The following TTC28 variants were observed in gnomAD, a reference collection of about 807,000 sequenced individuals.
The protein encoded by TTC28 is tetratricopeptide repeat domain 28.
A neutral mutation model predicts 198.0 loss-of-function variants in TTC28; 61 were observed. The observed-to-expected ratio is 0.31, with a 90% CI of 0.25 to 0.38. The LOEUF (loss-of-function observed/expected upper bound fraction) is 0.38, where lower values mean the gene tolerates loss of function less well. Ranked by LOEUF, TTC28 falls within the 10% of genes least tolerant of loss-of-function variation. The pLI is 1.00. For missense variants in TTC28, 2,678 were observed against 3,164.0 expected, an observed-to-expected ratio of 0.85 and a Z score of 3.69; for synonymous variants, 1,171 against 1,297.8, an observed-to-expected ratio of 0.90 and a Z score of 2.10.
chr22:28,650,350 A>G (rs2051545384), intron 1 of TTC28, among the ~76,000 whole-genome samples: 1 of 152,230 alleles, frequency 6.6e-6, no homozygotes, highest in African/African-American at 2.4e-5. Context: ...CAAAAATAGA[A>G]AATAGCTCAA....
chr22:28,482,902 A>G (rs2048271212), intron 2 of TTC28, among the ~76,000 whole-genome samples: 1 of 152,218 alleles, frequency 6.6e-6, no homozygotes, highest in African/African-American at 2.4e-5. Flanking sequence ...CATGAATCAG[A>G]ACTTCATTCC....
At chr22:28,449,316 T>C (rs1468907725) in intron 2 of TTC28, among the ~76,000 whole-genome samples, 1 of 152,240 alleles carries the variant, frequency 6.6e-6, no homozygotes, top group East Asian at 1.9e-4. Flanking sequence ...AAGCATCTAA[T>C]AGATCTGAAA....
rs140196537 is a variant in TTC28 at position 28,203,096 on chromosome 22, T to G, written c.934-39497A>C. On this transcript the variant is annotated intron_variant, in intron 5 of 22. Coordinates refer to ENST00000397906, the MANE Select transcript of TTC28 (RefSeq NM_001145418.2). ...TACTGTATACATCCTTCCGTAGATA[T>G]GGTTTTCTATGCTTATTTGCGCATA... 6.1e-3 allele frequency among the ~76,000 whole-genome samples: 926 copies of G among 152,270 alleles called. 10 individuals carry two copies. The highest frequency in any genetic ancestry group is 9.1e-3 in the Non-Finnish European group (619 of 68,022).
chr22:28,458,471 G>A (rs2047897698), intron 2 of TTC28, among the ~76,000 whole-genome samples: 1 of 152,074 alleles, frequency 6.6e-6, no homozygotes, highest in Admixed American at 6.5e-5. Flanking sequence ...AATCTCTCCT[G>A]AATTAAAGTT....
At chr22:28,529,196 G>C (rs924560131) in intron 2 of TTC28, among the ~76,000 whole-genome samples, 4 of 152,104 alleles carry the variant, frequency 2.6e-5, no homozygotes, top group Non-Finnish European at 5.9e-5. Context: ...CTGGAAAATC[G>C]GGACACTCCC....
chr22:28,161,311 G>A (rs1232001612), intron 6 of TTC28, among the ~76,000 whole-genome samples: 2 of 152,140 alleles, frequency 1.3e-5, no homozygotes, highest in East Asian at 1.9e-4. Context: ...AGGGAGGATC[G>A]TTTGAGGCCA....
At chr22:28,458,741 C>T (rs182092810) in intron 2 of TTC28, among the ~76,000 whole-genome samples, 1 of 151,864 alleles carries the variant, frequency 6.6e-6, no homozygotes, top group East Asian at 1.9e-4. Flanking sequence ...ATTAGCCGGG[C>T]GTGGTGGCGG....
At chr22:28,135,100 T>C (rs9613568) in intron 6 of TTC28, among the ~76,000 whole-genome samples, 10,609 of 152,188 alleles carry the variant, frequency 0.07, 491 homozygotes, top group Admixed American at 0.15. Context: ...TATTATGCTA[T>C]GAGATTTTGG....
intron 1 of TTC28, among the ~76,000 whole-genome samples, chr22:28,675,845 G>A (rs1168202613): frequency 6.6e-6 from 1 of 152,004 alleles, no homozygotes; most frequent in Non-Finnish European, 1.5e-5. Flanking sequence ...CACTTTCTGG[G>A]AGGCTGAGGT....
At chr22:28,665,185 G>T (rs1306019558) in intron 1 of TTC28, among the ~76,000 whole-genome samples, 10 of 6,764 alleles carry the variant, frequency 1.5e-3, no homozygotes, top group African/African-American at 6.7e-3. Flanking sequence ...ACCAGCCGCT[G>T]CAAAATCATG....
intron 2 of TTC28, among the ~76,000 whole-genome samples, chr22:28,623,541 C>T (rs139556620): frequency 2.0e-4 from 31 of 152,236 alleles, no homozygotes; most frequent in African/African-American, 7.2e-4. Context: ...CAAGATTAAG[C>T]ATCTGGACTT....
At position 27,981,169 on chromosome 22, in the gene TTC28, T is replaced by A. The variant is rs1033109008; in HGVS notation, c.*1052A>T. ...GGAAAAGGGAATAAAATTCAGCAGCTAATAAAAGGGAACAGGAGCCTGGAA... is the reference window on the plus strand; with the variant it reads ...GGAAAAGGGAATAAAATTCAGCAGCAAATAAAAGGGAACAGGAGCCTGGAA... On this transcript the variant is annotated 3_prime_UTR_variant, in exon 23 of 23. Coordinates refer to ENST00000397906, the MANE Select transcript of TTC28 (RefSeq NM_001145418.2). 1.5e-5 allele frequency: 2 copies of A among 132,986 alleles called. No homozygotes were observed. The highest frequency in any genetic ancestry group is 5.6e-5 in the African/African-American group (2 of 35,684). The allele number at this position is 132,986 out of a possible 1,614,324, so 8.2% of individuals were successfully genotyped here.
chr22:27,980,435 CCCTAG>C lies in TTC28; in HGVS notation c.*1781_*1785del, dbSNP rs369651264. ...CATGGCTGTTGGTTAAATTAAAAACCCCTAGGATGGAGCTCAGGAGAACACAGATT... is the reference window on the plus strand; with the variant it reads ...CATGGCTGTTGGTTAAATTAAAAACCGATGGAGCTCAGGAGAACACAGATT... On this transcript the variant is annotated 3_prime_UTR_variant, in exon 23 of 23. Coordinates refer to ENST00000397906, the MANE Select transcript of TTC28 (RefSeq NM_001145418.2). The C allele has an allele frequency of 1.8e-4, 28 of 152,170 alleles. No individual in the cohort carries two copies. The highest frequency in any genetic ancestry group is 6.0e-4 in the African/African-American group (25 of 41,424). The allele number at this position is 152,170 out of a possible 1,614,324, so 9.4% of individuals were successfully genotyped here. A position where few individuals can be genotyped will look rare whatever the true frequency, so the allele number is the denominator to read the frequency against.
At chr22:28,602,646 C>G (rs1189027268) in intron 2 of TTC28, among the ~76,000 whole-genome samples, 1 of 152,110 alleles carries the variant, frequency 6.6e-6, no homozygotes, top group Non-Finnish European at 1.5e-5. Flanking sequence ...TTGTACTAAT[C>G]TTGCAAATTT....
rs116856061 is a variant in TTC28, at chr22:28,319,707, G to A, written c.382-13064C>T. Among the ~76,000 whole-genome samples the A allele has an allele frequency of 3.2e-3, 489 of 152,310 alleles. 8 individuals carry two copies. In the East Asian group the frequency reaches 0.05, roughly 16 times the overall value. ...AAATAACTTTGACATTTCATGAGAT[G>A]TGTCACATTAGCGTATTGCTTTGCT... On this transcript the variant is annotated intron_variant, in intron 2 of 22. Coordinates refer to ENST00000397906, the MANE Select transcript of TTC28 (RefSeq NM_001145418.2).
At chr22:28,189,529 C>G (rs1601447900) in intron 5 of TTC28, among the ~76,000 whole-genome samples, 1 of 150,678 alleles carries the variant, frequency 6.6e-6, no homozygotes, top group Non-Finnish European at 1.5e-5. Context: ...GAAATTTTTT[C>G]CTAGAAACTG....
chr22:28,397,676 A>G (rs1382128258), intron 2 of TTC28, among the ~76,000 whole-genome samples: 1 of 152,202 alleles, frequency 6.6e-6, no homozygotes, highest in Non-Finnish European at 1.5e-5. Context: ...ATGTCACCAA[A>G]ATTCTAGTAT....
intron 2 of TTC28, among the ~76,000 whole-genome samples, chr22:28,627,483 G>A (rs2051094825): frequency 6.7e-6 from 1 of 149,630 alleles, no homozygotes; most frequent in Non-Finnish European, 1.5e-5. Context: ...CCAGGCTGGA[G>A]TGCAGTGGTG....
intron 2 of TTC28, among the ~76,000 whole-genome samples, chr22:28,499,921 T>A (rs2048512795): frequency 6.6e-6 from 1 of 152,148 alleles, no homozygotes; most frequent in Non-Finnish European, 1.5e-5. Flanking sequence ...CAAACATTTA[T>A]CATTTCTTCA....
Sources: gnomAD v4.1 joint callset for allele counts (sites outside exome capture counted in the v4.1 genomes callset) on GRCh38, gnomAD v4.1.1 for gene constraint, MANE v1.5 for transcripts, NCBI Gene and HGNC (gene_info 2026-07-23, HGNC 2026-07-21) for gene names.